The following ZNF143 variants were observed in gnomAD, a reference collection of about 807,000 sequenced individuals.
ZNF143 encodes the protein zinc finger protein 143, also known as SPH-binding factor.
Under a neutral mutation model 74.1 loss-of-function variants are expected in ZNF143, and 49 were observed. The observed-to-expected ratio is 0.66, with a 90% CI of 0.53 to 0.84. The LOEUF is 0.84. ZNF143 is among the 40% of genes least tolerant of loss of function. ZNF143 has a pLI of 0.00. For synonymous variants in ZNF143, 304 were observed against 282.8 expected (o/e 1.07, Z -0.75); for missense variants, 637 against 793.4 (o/e 0.80, Z 2.37).
chr11:9,472,165 G>A (rs1336426743), intron 2 of ZNF143, among the ~76,000 whole-genome samples: 3 of 151,834 alleles, frequency 2.0e-5, no homozygotes, highest in African/African-American at 7.3e-5. Flanking sequence ...CTGGGCTCAA[G>A]CCATCCACCC....
chr11:9,486,399 ATATTATATATATAATATATATT>A lies in ZNF143; in HGVS notation c.645+6854_645+6875del, dbSNP rs1565038977. 4.7e-3 allele frequency among the ~76,000 whole-genome samples: 128 copies of A among 27,500 alleles called. 4 individuals carry two copies. The highest frequency in any genetic ancestry group is 0.018 in the African/African-American group (118 of 6,424). 18.0% of individuals were successfully genotyped at this position (27,500 alleles called of 152,430 possible). ...ATATTATATATATAATATATATAAT[ATATTATATATATAATATATATT>A]ATATATATTATATATATAATATATT... is the stretch of plus-strand genomic sequence containing the variant. On this transcript the variant is annotated intron_variant, in intron 7 of 15. Coordinates refer to ENST00000396602, the MANE Select transcript of ZNF143 (RefSeq NM_003442.6).
intron 7 of ZNF143, among the ~76,000 whole-genome samples, chr11:9,484,577 ATGG>A (rs1847382535): frequency 6.9e-6 from 1 of 145,300 alleles, no homozygotes; most frequent in Non-Finnish European, 1.5e-5. Flanking sequence ...AATTAGATCC[ATGG>A]TTATCTTAGG....
chr11:9,490,981 C>G, intron 7 of ZNF143, among the ~76,000 whole-genome samples: 1 of 152,254 alleles, frequency 6.6e-6, no homozygotes, highest in East Asian at 1.9e-4. Context: ...GATCCTCCCA[C>G]CTTGGCCTCC....
chr11:9,463,587 C>T (rs766145014), intron 1 of ZNF143, among the ~76,000 whole-genome samples: 6 of 152,198 alleles, frequency 3.9e-5, no homozygotes, highest in Middle Eastern at 3.4e-3. Context: ...GGAGAAATGT[C>T]TGTTTGAATT....
At chr11:9,511,908 T>G (rs571840540) in intron 12 of ZNF143, among the ~76,000 whole-genome samples, 1 of 151,356 alleles carries the variant, frequency 6.6e-6, no homozygotes, top group African/African-American at 2.4e-5. Flanking sequence ...CCCGCCACCA[T>G]GACCAGCTAA....
At chr11:9,501,003 C>A in intron 10 of ZNF143, 88 bp from the exon 11 acceptor site, 1 of 1,497,066 alleles carries the variant, frequency 6.7e-7, no homozygotes, top group East Asian at 2.3e-5. Flanking sequence ...GAGTCTTGAG[C>A]ATAATCCTAG....
At chr11:9,508,976 G>A in intron 12 of ZNF143, 130 bp downstream of exon 12, 2 of 965,020 alleles carry the variant, frequency 2.1e-6, no homozygotes, top group East Asian at 5.2e-5. Flanking sequence ...ATAATTTACA[G>A]CTGCAGTAAG....
chr11:9,512,413 G>A (rs1350749001), intron 12 of ZNF143, 35 bp from the exon 13 acceptor site: 6 of 1,590,676 alleles, frequency 3.8e-6, no homozygotes, highest in Non-Finnish European at 3.4e-6. Context: ...AAATTGGTTG[G>A]TTGGTCAAAT....
At chr11:9,465,553 G>T (rs1856149896) in intron 1 of ZNF143, among the ~76,000 whole-genome samples, 1 of 151,656 alleles carries the variant, frequency 6.6e-6, no homozygotes, top group Non-Finnish European at 1.5e-5. Flanking sequence ...AGGCTGGAGT[G>T]CAGTGGCGTG....
At chr11:9,474,734 A>ACAATGC (rs1856780764) in intron 5 of ZNF143, 101 bp downstream of exon 5, 1 of 1,188,500 alleles carries the variant, frequency 8.4e-7, no homozygotes, top group Admixed American at 2.1e-5. Flanking sequence ...ATGGGAAAGA[A>ACAATGC]TTGTATTTAT....
intron 1 of ZNF143, among the ~76,000 whole-genome samples, chr11:9,461,481 C>T (rs1364902877): frequency 1.3e-5 from 2 of 152,152 alleles, no homozygotes; most frequent in Non-Finnish European, 2.9e-5. Flanking sequence ...AGGCAGAGTT[C>T]CGCCGCCTGG....
chr11:9,526,128 A>C lies in ZNF143; in HGVS notation c.1833+742A>C, dbSNP rs971178250. On this transcript the variant is annotated intron_variant, in intron 15 of 15. Transcript: ENST00000396602. ...CCACTGCACTCCCGCCTGGGTAACA[A>C]ATGAGACCCCATCTCAAAAAATAAG... Among the ~76,000 whole-genome samples, 7 of 150,788 alleles carry C rather than the reference A, an allele frequency of 4.6e-5. 1 individual carries two copies. The highest frequency in any genetic ancestry group is 6.8e-3 in the Middle Eastern group (2 of 292).
chr11:9,521,135 T>C (rs1471478126), intron 14 of ZNF143, among the ~76,000 whole-genome samples: 1 of 152,198 alleles, frequency 6.6e-6, no homozygotes, highest in African/African-American at 2.4e-5. Flanking sequence ...TGTTGAAACC[T>C]ACACGTACAC....
chr11:9,463,103 CAT>C (rs577678896), intron 1 of ZNF143, among the ~76,000 whole-genome samples: 35 of 152,298 alleles, frequency 2.3e-4, no homozygotes, highest in African/African-American at 3.1e-4. Context: ...TATGTTATAA[CAT>C]GTGTCAATAC....
chr11:9,473,825 C>T (rs750607016), intron 3 of ZNF143, 116 bp from the exon 4 acceptor site: 2 of 1,593,504 alleles, frequency 1.3e-6, no homozygotes, highest in Admixed American at 1.7e-5. Flanking sequence ...AGGGAAGAAT[C>T]AAGATGAACA....
chr11:9,504,371 A>G lies in ZNF143; in HGVS notation c.1147+3101A>G, dbSNP rs1400467143. 2.4e-5 allele frequency among the ~76,000 whole-genome samples: 3 copies of G among 127,342 alleles called. 1 individual carries two copies. Among genetic ancestry groups the G allele is most frequent in the Non-Finnish European group, 5.6e-5 (3 of 53,696 alleles). 83.5% of individuals were successfully genotyped at this position (127,342 alleles called of 152,430 possible). On this transcript the variant is annotated intron_variant, in intron 11 of 15. Coordinates refer to ENST00000396602, the MANE Select transcript of ZNF143 (RefSeq NM_003442.6). ...GGTTGTGTCTTTATTACTGAGTTGT[A>G]TAACTTTAATTCGAGAGACTTGAAT...
intron 1 of ZNF143, chr11:9,463,844 C>T (rs1242993038): frequency 2.6e-5 from 4 of 152,198 alleles, no homozygotes; most frequent in Admixed American, 1.3e-4. Context: ...CCACTCCACC[C>T]TCATAGCATA....
At chr11:9,486,244 A>AT (rs1415409510) in intron 7 of ZNF143, among the ~76,000 whole-genome samples, 3 of 141,220 alleles carry the variant, frequency 2.1e-5, no homozygotes, top group African/African-American at 8.2e-5. Context: ...CCTCTTTATT[A>AT]TGAGGTCACC....
intron 7 of ZNF143, among the ~76,000 whole-genome samples, chr11:9,493,283 G>T (rs889414123): frequency 6.6e-6 from 1 of 151,904 alleles, no homozygotes; most frequent in Admixed American, 6.6e-5. Context: ...TGTTAGCCAG[G>T]ATGGTCTCGA....
Sources: allele counts gnomAD v4.1 joint callset (sites outside exome capture counted in the v4.1 genomes callset), GRCh38; gene constraint gnomAD v4.1.1; transcripts MANE v1.5; gene names NCBI Gene and HGNC (gene_info 2026-07-23, HGNC 2026-07-21).